DNM3: variants seen among roughly 807,000 people sequenced by gnomAD.
DNM3 encodes the protein dynamin-3.
DNM3 carries 47 observed loss-of-function variants against 101.6 expected under a neutral mutation model. The ratio of observed to expected loss-of-function variants is 0.46; its 90% confidence interval spans 0.37 to 0.59. The LOEUF (loss-of-function observed/expected upper bound fraction) is 0.59, where lower values mean the gene tolerates loss of function less well. Among genes scored for constraint, DNM3 ranks in the 20% least tolerant of loss-of-function variants. DNM3 has a pLI of 0.00. For synonymous variants in DNM3, 385 were observed against 387.9 expected, an observed-to-expected ratio of 0.99 and a Z score of 0.09; for missense variants, 849 against 1,085.7, an observed-to-expected ratio of 0.78 and a Z score of 3.06.
intron 1 of DNM3, among the ~76,000 whole-genome samples, chr1:171,863,068 T>A (rs1172703024): frequency 1.4e-5 from 2 of 147,612 alleles, no homozygotes; most frequent in Non-Finnish European, 3.0e-5. Context: ...TTAAAGACAA[T>A]ACATAACATT....
chr1:172,021,543 C>T (rs1480619138), intron 4 of DNM3, among the ~76,000 whole-genome samples: 1 of 152,084 alleles, frequency 6.6e-6, no homozygotes, highest in African/African-American at 2.4e-5. Context: ...ATAATTATCC[C>T]AGGACAAAAA....
intron 14 of DNM3, among the ~76,000 whole-genome samples, chr1:172,162,067 A>G (rs1315781599): frequency 6.6e-6 from 1 of 152,144 alleles, no homozygotes; most frequent in Non-Finnish European, 1.5e-5. Flanking sequence ...TGTTATTTGC[A>G]TACTTTAAAG....
At chr1:172,192,206 G>C (rs1023657869) in intron 14 of DNM3, among the ~76,000 whole-genome samples, 3 of 151,928 alleles carry the variant, frequency 2.0e-5, no homozygotes, top group Non-Finnish European at 4.4e-5. Context: ...TAGCGTGAAG[G>C]GCTGTTGAAT....
intron 13 of DNM3, among the ~76,000 whole-genome samples, chr1:172,101,440 A>G (rs937645060): frequency 6.6e-6 from 1 of 152,156 alleles, no homozygotes; most frequent in African/African-American, 2.4e-5. Flanking sequence ...CTATGAGCAA[A>G]TTAATTAAAC....
Position 172,408,003 on chromosome 1 carries a change from T to A in DNM3, c.*162T>A, listed in dbSNP as rs1297773241. On this transcript the variant is annotated 3_prime_UTR_variant, in exon 21 of 21. Transcript: ENST00000627582. ...TCGCTCATCTTCATTGCTCATGGTA[T>A]GTCAAACCTTTGGGGTTTGACTCAG... The A allele has an allele frequency of 1.4e-6, 2 of 1,475,268 alleles. No homozygotes were observed. Among genetic ancestry groups the A allele is most frequent in the Admixed American group, 2.3e-5 (1 of 43,940 alleles). 91.4% of individuals were successfully genotyped at this position (1,475,268 alleles called of 1,614,324 possible). A position where few individuals can be genotyped will look rare whatever the true frequency, so the allele number is the denominator to read the frequency against.
chr1:172,291,425 C>A (rs1240066381), intron 15 of DNM3, among the ~76,000 whole-genome samples: 1 of 152,106 alleles, frequency 6.6e-6, no homozygotes, highest in Non-Finnish European at 1.5e-5. Context: ...AGAGACAGGA[C>A]CCCATGTCTC....
intron 4 of DNM3, among the ~76,000 whole-genome samples, chr1:172,002,093 C>T (rs190135280): frequency 6.6e-6 from 1 of 152,192 alleles, no homozygotes; most frequent in Non-Finnish European, 1.5e-5. Flanking sequence ...TCTGTCTCTG[C>T]ACCTGTTCTT....
chr1:172,047,117 T>A (rs2049873677), intron 9 of DNM3, among the ~76,000 whole-genome samples: 1 of 152,182 alleles, frequency 6.6e-6, no homozygotes, highest in African/African-American at 2.4e-5. Flanking sequence ...TTTGACAATT[T>A]TTTTTTCCCA....
At chr1:172,221,413 T>A (rs1332371867) in intron 14 of DNM3, among the ~76,000 whole-genome samples, 1 of 152,094 alleles carries the variant, frequency 6.6e-6, no homozygotes, top group African/African-American at 2.4e-5. Flanking sequence ...GTCTGTAATA[T>A]ATATGTTTTA....
intron 12 of DNM3, among the ~76,000 whole-genome samples, chr1:172,082,385 A>G (rs1193995378): frequency 6.9e-6 from 1 of 144,542 alleles, no homozygotes; most frequent in Non-Finnish European, 1.5e-5. Context: ...TGAACATTTT[A>G]TTTTCTGTAA....
At chr1:171,910,893 G>C (rs938207038) in intron 1 of DNM3, among the ~76,000 whole-genome samples, 4 of 152,186 alleles carry the variant, frequency 2.6e-5, no homozygotes, top group African/African-American at 4.8e-5. Context: ...GGCATATCAG[G>C]AAATGCTTCC....
At chr1:172,383,596 T>C (rs1437006427) in intron 18 of DNM3, among the ~76,000 whole-genome samples, 1 of 152,202 alleles carries the variant, frequency 6.6e-6, no homozygotes, top group Non-Finnish European at 1.5e-5. Context: ...ATGGTCTCCT[T>C]GGTAACTGAA....
At chr1:171,850,170 A>G (rs568000321) in intron 1 of DNM3, among the ~76,000 whole-genome samples, 2 of 152,328 alleles carry the variant, frequency 1.3e-5, no homozygotes, top group African/African-American at 4.8e-5. Flanking sequence ...TCAGGAGGTA[A>G]GGTGTAATTA....
At chr1:172,162,221 TAC>T (rs577273008) in intron 14 of DNM3, among the ~76,000 whole-genome samples, 77 of 152,226 alleles carry the variant, frequency 5.1e-4, no homozygotes, top group African/African-American at 1.7e-3. Flanking sequence ...TGATTATTTA[TAC>T]AGTTTTTTCT....
At chr1:172,167,994 A>T (rs17277127) in intron 14 of DNM3, among the ~76,000 whole-genome samples, 40,498 of 151,898 alleles carry the variant, frequency 0.27, 5,834 homozygotes, top group Middle Eastern at 0.34. Context: ...GGTTCTTCAG[A>T]TAAAAGACTA....
chr1:171,973,161 T>C (rs1434082861), intron 2 of DNM3, among the ~76,000 whole-genome samples: 1 of 152,114 alleles, frequency 6.6e-6, no homozygotes, highest in African/African-American at 2.4e-5. Context: ...GAATGAACAG[T>C]TGATAACAAA....
intron 2 of DNM3, among the ~76,000 whole-genome samples, chr1:171,927,828 T>G (rs1306864400): frequency 6.6e-6 from 1 of 152,218 alleles, no homozygotes; most frequent in Non-Finnish European, 1.5e-5. Context: ...TATTCTGAAT[T>G]CTATTTCTGT....
chr1:171,888,102 G>A (rs574808671), intron 1 of DNM3, among the ~76,000 whole-genome samples: 1 of 145,604 alleles, frequency 6.9e-6, no homozygotes, highest in Admixed American at 7.0e-5. Flanking sequence ...TTCTCTTATA[G>A]TTAGAAATCA....
chr1:172,228,342 A>T (rs185259903), intron 14 of DNM3, among the ~76,000 whole-genome samples: 8 of 152,146 alleles, frequency 5.3e-5, no homozygotes, highest in Non-Finnish European at 4.4e-5. Flanking sequence ...TTATTTGTTC[A>T]GAAGTCTGGT....
Sources: gnomAD v4.1 joint callset for allele counts (sites outside exome capture counted in the v4.1 genomes callset) on GRCh38, gnomAD v4.1.1 for gene constraint, MANE v1.5 for transcripts, NCBI Gene and HGNC (gene_info 2026-07-23, HGNC 2026-07-21) for gene names.